The following MAPK10 variants were observed in gnomAD, a reference collection of about 807,000 sequenced individuals.
The protein encoded by MAPK10 is mitogen-activated protein kinase 10, also known as JNK3 alpha protein kinase.
Under a neutral mutation model 59.3 loss-of-function variants are expected in MAPK10, and 25 were observed. That is an observed-to-expected ratio of 0.42 (90% CI 0.31 to 0.59). The LOEUF (loss-of-function observed/expected upper bound fraction) is 0.59. Among genes scored for constraint, MAPK10 ranks in the 20% least tolerant of loss-of-function variants. The pLI is 0.15. For synonymous variants in MAPK10, 190 were observed against 200.5 expected (o/e 0.95, Z 0.44); for missense variants, 351 against 568.9 (o/e 0.62, Z 3.90).
intron 2 of MAPK10, among the ~76,000 whole-genome samples, chr4:86,194,833 G>A (rs1027488095): frequency 6.6e-6 from 1 of 151,550 alleles, no homozygotes; most frequent in Non-Finnish European, 1.5e-5. Context: ...ATAGGACTTG[G>A]AGTAATTATA....
chr4:86,079,792 C>T (rs769855899), intron 9 of MAPK10: 51 of 152,060 alleles, frequency 3.4e-4, no homozygotes, highest in Non-Finnish European at 7.1e-4. Context: ...GTATATAACA[C>T]TACATACAAT....
chr4:86,389,353 T>C (rs145019484), intron 1 of MAPK10, among the ~76,000 whole-genome samples: 102 of 152,330 alleles, frequency 6.7e-4, no homozygotes, highest in Non-Finnish European at 1.1e-3. Context: ...TCAGGTATTT[T>C]CTTATAGCAG....
chr4:86,142,062 A>G (rs1288856194), intron 4 of MAPK10, among the ~76,000 whole-genome samples: 2 of 152,174 alleles, frequency 1.3e-5, no homozygotes, highest in African/African-American at 4.8e-5. Context: ...ATCTCTCAAG[A>G]GCAAAAATTC....
intron 2 of MAPK10, among the ~76,000 whole-genome samples, chr4:86,199,382 A>C (rs1042939445): frequency 2.0e-5 from 3 of 152,072 alleles, no homozygotes; most frequent in African/African-American, 7.2e-5. Flanking sequence ...ATAGTGAAAC[A>C]AGTATCAAAT....
chr4:86,083,369 G>T (rs532067929), intron 9 of MAPK10, among the ~76,000 whole-genome samples: 1 of 152,224 alleles, frequency 6.6e-6, no homozygotes, highest in Non-Finnish European at 1.5e-5. Context: ...CAACAATTCC[G>T]TGTGCTGGGG....
intron 11 of MAPK10, among the ~76,000 whole-genome samples, chr4:86,053,399 T>C (rs1332495127): frequency 2.6e-5 from 4 of 152,160 alleles, no homozygotes; most frequent in Non-Finnish European, 5.9e-5. Flanking sequence ...TCTAGTTTGA[T>C]TGTTTTAGCA....
chr4:86,192,556 ATGGATT>A (rs939499577), intron 3 of MAPK10: 14 of 151,618 alleles, frequency 9.2e-5, no homozygotes, highest in Admixed American at 2.0e-4. Context: ...CTTCCGCTTG[ATGGATT>A]TGGCTATTGA....
At chr4:86,418,729 A>G (rs1362889429) in intron 1 of MAPK10, among the ~76,000 whole-genome samples, 1 of 152,236 alleles carries the variant, frequency 6.6e-6, no homozygotes, top group Non-Finnish European at 1.5e-5. Context: ...ATGCATGTTT[A>G]TAGCAGCACA....
At chr4:86,262,826 G>C (rs2094059071) in intron 2 of MAPK10, among the ~76,000 whole-genome samples, 1 of 152,100 alleles carries the variant, frequency 6.6e-6, no homozygotes, top group Non-Finnish European at 1.5e-5. Flanking sequence ...TCTTGTGCTG[G>C]CTAACTTCCA....
chr4:86,364,702 C>G (rs1052697519), upstream of MAPK10, among the ~76,000 whole-genome samples: 6 of 152,154 alleles, frequency 3.9e-5, no homozygotes, highest in Non-Finnish European at 7.3e-5. Flanking sequence ...AACTCTTGGT[C>G]AGGTGTGGTG....
At chr4:86,105,558 G>A (rs574518076) in intron 5 of MAPK10, among the ~76,000 whole-genome samples, 1 of 152,060 alleles carries the variant, frequency 6.6e-6, no homozygotes, top group Non-Finnish European at 1.5e-5. Context: ...ATAAATACAT[G>A]TATGGAAAAC....
At chr4:86,547,263 C>G (rs997366037) in intron 1 of MAPK10, among the ~76,000 whole-genome samples, 16 of 152,186 alleles carry the variant, frequency 1.1e-4, no homozygotes, top group African/African-American at 3.4e-4. Flanking sequence ...GTGGGATCCC[C>G]TTTCTGGGCT....
intron 1 of MAPK10, among the ~76,000 whole-genome samples, chr4:86,549,451 A>C (rs924566543): frequency 6.6e-6 from 1 of 152,190 alleles, no homozygotes; most frequent in African/African-American, 2.4e-5. Context: ...TGTGTATCTA[A>C]ACATAGAAAA....
chr4:86,572,164 A>AT (rs1467743238), intron 1 of MAPK10, among the ~76,000 whole-genome samples: 1 of 152,066 alleles, frequency 6.6e-6, no homozygotes, highest in Non-Finnish European at 1.5e-5. Context: ...AATTTACTCA[A>AT]TTTTTTATTT....
chr4:86,231,095 G>C (rs1239614986), intron 2 of MAPK10, among the ~76,000 whole-genome samples: 3 of 152,154 alleles, frequency 2.0e-5, no homozygotes, highest in Non-Finnish European at 4.4e-5. Context: ...AATGCAAGGA[G>C]GGGATTTTTA....
chr4:86,423,991 A>G (rs1746925351), intron 1 of MAPK10, among the ~76,000 whole-genome samples: 1 of 151,946 alleles, frequency 6.6e-6, no homozygotes, highest in Non-Finnish European at 1.5e-5. Context: ...TATAATATTC[A>G]TATGTAGAAG....
At chr4:86,546,315 AG>A (rs1298882890) in intron 1 of MAPK10, among the ~76,000 whole-genome samples, 1 of 152,144 alleles carries the variant, frequency 6.6e-6, no homozygotes, top group East Asian at 1.9e-4. Context: ...TAGGAGGCTG[AG>A]ACGGGCAGAT....
intron 3 of MAPK10, among the ~76,000 whole-genome samples, chr4:86,180,130 TCAATAA>T (rs1454195940): frequency 6.6e-6 from 1 of 151,636 alleles, no homozygotes; most frequent in Non-Finnish European, 1.5e-5. Flanking sequence ...CTCAAATATC[TCAATAA>T]CAACAACAAA....
intron 1 of MAPK10, among the ~76,000 whole-genome samples, chr4:86,482,493 A>G (rs1753684470): frequency 1.3e-5 from 2 of 151,944 alleles, no homozygotes; most frequent in Admixed American, 1.3e-4. Context: ...TGGTGGGGGG[A>G]TGCAGAGGGA....
Sources: allele counts gnomAD v4.1 joint callset (sites outside exome capture counted in the v4.1 genomes callset), GRCh38; gene constraint gnomAD v4.1.1; transcripts MANE v1.5; gene names NCBI Gene and HGNC (gene_info 2026-07-23, HGNC 2026-07-21).